Variants in CSMD1 observed in about 807,000 individuals in gnomAD.
CSMD1 encodes the protein CUB and Sushi multiple domains 1, also known as CUB and sushi domain-containing protein 1.
CSMD1 carries 213 observed loss-of-function variants against 417.5 expected under a neutral mutation model. That is an observed-to-expected ratio of 0.51 (90% confidence interval 0.46 to 0.57). The LOEUF (loss-of-function observed/expected upper bound fraction) is 0.57, where lower values mean the gene tolerates loss of function less well. Ranked by LOEUF, CSMD1 falls within the 20% of genes least tolerant of loss-of-function variation. CSMD1 has a pLI of 0.00. For missense variants in CSMD1, 6,923 were observed against 4,529.7 expected (o/e 1.53, Z -15.17); for synonymous variants, 2,862 against 1,736.8 (o/e 1.65, Z -16.11).
chr8:3,409,707 T>A lies in CSMD1; in HGVS notation c.1562-102A>T, dbSNP rs995482397. ...AATACGTGGCTTCTTTTTGCTGAAC[T>A]AAACATCATTTTTGTAAAGTGTTTC... is the stretch of plus-strand genomic sequence containing the variant. On this transcript the variant is annotated intron_variant, in intron 12 of 69. Transcript: ENST00000635120. The A allele has an allele frequency of 3.5e-6, 3 of 860,362 alleles. No homozygotes were observed. The African/African-American group carries it at 5.1e-5, about 15-fold the overall frequency. The allele number at this position is 860,362 out of a possible 1,614,324, so 53.3% of individuals were successfully genotyped here.
In CSMD1 at chr8:4,027,410, T is replaced by C. The variant is rs58207727; in HGVS notation, c.610+4495A>G. 2.6e-3 allele frequency among the ~76,000 whole-genome samples: 396 copies of C among 152,174 alleles called. 5 individuals are homozygous for C. Among genetic ancestry groups the C allele is most frequent in the Middle Eastern group, 0.01 (3 of 294 alleles). On this transcript the variant is annotated intron_variant, in intron 4 of 69. Coordinates refer to ENST00000635120, the MANE Select transcript of CSMD1 (RefSeq NM_033225.6). ...AATCCCCATGAGTTGGGGAGGCACA[T>C]TGTGGGAGGTGATTAGATCATGGGG...
intron 10 of CSMD1, among the ~76,000 whole-genome samples, chr8:3,530,352 T>G (rs908506238): frequency 6.6e-6 from 1 of 152,224 alleles, no homozygotes; most frequent in Admixed American, 6.5e-5. Flanking sequence ...TGGTATGTTG[T>G]AATTTCATTT....
chr8:4,610,099 C>G (rs933329921), intron 2 of CSMD1, among the ~76,000 whole-genome samples: 11 of 151,616 alleles, frequency 7.3e-5, no homozygotes, highest in African/African-American at 2.7e-4. Flanking sequence ...ACCTCTATTT[C>G]TCTCCTTTTC....
At chr8:4,365,446 C>A (rs887279035) in intron 3 of CSMD1, among the ~76,000 whole-genome samples, 1 of 152,116 alleles carries the variant, frequency 6.6e-6, no homozygotes, top group African/African-American at 2.4e-5. Context: ...GACAACATTT[C>A]TTTTTAGATT....
At chr8:3,867,868 G>A (rs911368742) in intron 5 of CSMD1, among the ~76,000 whole-genome samples, 1 of 151,932 alleles carries the variant, frequency 6.6e-6, no homozygotes, top group African/African-American at 2.4e-5. Flanking sequence ...TGGACCACTG[G>A]CCAGATCTTC....
intron 12 of CSMD1, among the ~76,000 whole-genome samples, chr8:3,441,012 T>A (rs1814947094): frequency 6.6e-6 from 1 of 152,144 alleles, no homozygotes; most frequent in Admixed American, 6.5e-5. Flanking sequence ...CATCCTGGAT[T>A]ATGTTGGTGT....
intron 6 of CSMD1, among the ~76,000 whole-genome samples, chr8:3,720,536 C>T (rs567831683): frequency 6.6e-6 from 1 of 152,058 alleles, no homozygotes; most frequent in Non-Finnish European, 1.5e-5. Context: ...GTTGTCTCAA[C>T]ACTGGGGGCT....
chr8:3,252,383 G>C (rs953264959), intron 26 of CSMD1, among the ~76,000 whole-genome samples: 2 of 152,146 alleles, frequency 1.3e-5, no homozygotes, highest in African/African-American at 4.8e-5. Flanking sequence ...TGCATATGTT[G>C]AACCAGCCTT....
chr8:4,920,942 G>C (rs1451637422), intron 1 of CSMD1, among the ~76,000 whole-genome samples: 1 of 2,486 alleles, frequency 4.0e-4, no homozygotes. Flanking sequence ...GAGAAAGAAA[G>C]AAAGAAAGAA....
At chr8:3,210,323 T>C (rs925302365) in intron 30 of CSMD1, among the ~76,000 whole-genome samples, 2 of 152,190 alleles carry the variant, frequency 1.3e-5, no homozygotes, top group South Asian at 2.1e-4. Context: ...GCTGTGCTCT[T>C]TGATGACTAG....
intron 3 of CSMD1, among the ~76,000 whole-genome samples, chr8:4,415,452 G>A (rs918587080): frequency 6.9e-6 from 1 of 145,832 alleles, no homozygotes; most frequent in Non-Finnish European, 1.5e-5. Context: ...CGCTCTTCAG[G>A]TCGTGGCCTG....
At chr8:3,072,232 T>G (rs1010566744) in intron 49 of CSMD1, among the ~76,000 whole-genome samples, 1 of 152,190 alleles carries the variant, frequency 6.6e-6, no homozygotes, top group African/African-American at 2.4e-5. Flanking sequence ...TACAAACTTT[T>G]ACATGGAAGA....
chr8:3,560,142 G>C (rs1799407525), intron 10 of CSMD1, among the ~76,000 whole-genome samples: 1 of 152,090 alleles, frequency 6.6e-6, no homozygotes, highest in South Asian at 2.1e-4. Context: ...CAGCAAAGTT[G>C]ATTATATAAC....
chr8:4,033,140 A>AG (rs1797437977), intron 3 of CSMD1, among the ~76,000 whole-genome samples: 1 of 150,144 alleles, frequency 6.7e-6, no homozygotes, highest in Non-Finnish European at 1.5e-5. Context: ...GAAAAAAAAA[A>AG]AAAAAAAAAA....
chr8:4,779,513 C>T (rs188646705), intron 1 of CSMD1, among the ~76,000 whole-genome samples: 31 of 152,106 alleles, frequency 2.0e-4, no homozygotes, highest in South Asian at 1.9e-3. Flanking sequence ...AAACCCAATG[C>T]AGTTAGAGAA....
At chr8:4,452,779 T>C (rs892278445) in intron 2 of CSMD1, among the ~76,000 whole-genome samples, 1 of 151,856 alleles carries the variant, frequency 6.6e-6, no homozygotes, top group Admixed American at 6.6e-5. Context: ...ACAAATCCAA[T>C]AAAGTTTATT....
intron 23 of CSMD1, among the ~76,000 whole-genome samples, chr8:3,324,382 C>T (rs533232744): frequency 7.1e-6 from 1 of 141,512 alleles, no homozygotes; most frequent in East Asian, 2.4e-4. Flanking sequence ...CAGGAAGGGG[C>T]GTTTCCTTCC....
chr8:4,441,715 A>C (rs1481960980), intron 2 of CSMD1, among the ~76,000 whole-genome samples: 1 of 152,174 alleles, frequency 6.6e-6, no homozygotes, highest in Non-Finnish European at 1.5e-5. Context: ...CGTTTGAGGT[A>C]CAGGAGATAA....
chr8:4,075,503 C>T lies in CSMD1; in HGVS notation c.416-43404G>A, dbSNP rs538743639. 1.8e-4 allele frequency among the ~76,000 whole-genome samples: 28 copies of T among 152,144 alleles called. 1 individual carries two copies. The East Asian group carries it at 4.4e-3, about 24-fold the overall frequency. ...GTAAAATAAAGTGGCAAATGAATTT[C>T]GTGGGAATTGATAACTAAAAATGTC... is the stretch of plus-strand genomic sequence containing the variant. On this transcript the variant is annotated intron_variant, in intron 3 of 69. Transcript: ENST00000635120.
Sources: allele counts gnomAD v4.1 joint callset (sites outside exome capture counted in the v4.1 genomes callset), GRCh38; gene constraint gnomAD v4.1.1; transcripts MANE v1.5; gene names NCBI Gene and HGNC (gene_info 2026-07-23, HGNC 2026-07-21).